The following RIMBP2 variants were observed in gnomAD, a reference collection of about 807,000 sequenced individuals.
RIMBP2 encodes the protein RIMS binding protein 2.
Under a neutral mutation model 118.6 loss-of-function variants are expected in RIMBP2, and 48 were observed. The observed-to-expected ratio is 0.40, with a 90% CI of 0.32 to 0.51. The LOEUF (loss-of-function observed/expected upper bound fraction) is 0.51. Ranked by LOEUF, RIMBP2 falls within the 20% of genes least tolerant of loss-of-function variation. The pLI, the probability that RIMBP2 is intolerant of heterozygous loss-of-function variation, is 0.41. For synonymous variants in RIMBP2, 762 were observed against 742.9 expected, an observed-to-expected ratio of 1.03 and a Z score of -0.42; for missense variants, 1,551 against 1,768.3, an observed-to-expected ratio of 0.88 and a Z score of 2.20.
At chr12:130,667,121 GGGAA>G (rs1462844204) in intron 1 of RIMBP2, among the ~76,000 whole-genome samples, 2 of 59,212 alleles carry the variant, frequency 3.4e-5, no homozygotes, top group African/African-American at 6.7e-5. Context: ...GAATGAGGGA[GGGAA>G]GGAAGGAGAG....
At chr12:130,647,658 T>C (rs1382798241) in intron 1 of RIMBP2, among the ~76,000 whole-genome samples, 1 of 145,122 alleles carries the variant, frequency 6.9e-6, no homozygotes, top group Non-Finnish European at 1.6e-5. Context: ...TGACCCTAAA[T>C]TTTTACACAA....
chr12:130,641,007 T>G (rs182877448), intron 1 of RIMBP2, among the ~76,000 whole-genome samples: 24 of 152,334 alleles, frequency 1.6e-4, no homozygotes, highest in African/African-American at 4.1e-4. Flanking sequence ...CTAACTAATG[T>G]CGGCGTCACA....
intron 1 of RIMBP2, among the ~76,000 whole-genome samples, chr12:130,643,819 C>G (rs60958116): frequency 0.024 from 3,675 of 152,240 alleles, 129 homozygotes; most frequent in African/African-American, 0.084. Flanking sequence ...AGACAACAGC[C>G]AGTTTCAGCT....
chr12:130,634,333 G>A (rs1266895147), intron 1 of RIMBP2, among the ~76,000 whole-genome samples: 2 of 152,152 alleles, frequency 1.3e-5, no homozygotes, highest in Non-Finnish European at 2.9e-5. Flanking sequence ...CAAGAAACGC[G>A]GAGTGAGGAA....
At chr12:130,566,478 G>A (rs2057229572) in intron 2 of RIMBP2, among the ~76,000 whole-genome samples, 1 of 152,222 alleles carries the variant, frequency 6.6e-6, no homozygotes. Context: ...AGACACAGTG[G>A]TCCCTCTCTC....
intron 4 of RIMBP2, among the ~76,000 whole-genome samples, chr12:130,493,132 G>T (rs369579134): frequency 1.3e-5 from 2 of 151,858 alleles, no homozygotes; most frequent in African/African-American, 4.8e-5. Flanking sequence ...TGAGATCGTA[G>T]CTCAAAAAAC....
chr12:130,625,677 A>G (rs557907409), intron 2 of RIMBP2, among the ~76,000 whole-genome samples: 89 of 152,376 alleles, frequency 5.8e-4, no homozygotes, highest in South Asian at 1.0e-3. Context: ...AATTCCAAGC[A>G]GCCAACAATC....
chr12:130,621,815 C>T lies in RIMBP2; in HGVS notation c.-217+6507G>A, dbSNP rs963966167. Among the ~76,000 whole-genome samples, 7 of 152,172 alleles carry T rather than the reference C, an allele frequency of 4.6e-5. No homozygotes were observed. The highest frequency in any genetic ancestry group is 1.4e-4 in the African/African-American group (6 of 41,436). On this transcript the variant is annotated intron_variant, in intron 2 of 22. Transcript: ENST00000690449. The surrounding 1 kb of genome is among the most constrained non-coding windows in gnomAD (Gnocchi z 6.6). ...AACACATTTGTACTCTACCCTTTTA[C>T]TGCCCTTGAAGGTAAACCTGGAGCC...
intron 2 of RIMBP2, among the ~76,000 whole-genome samples, chr12:130,554,033 G>A (rs1449704202): frequency 6.6e-6 from 1 of 152,182 alleles, no homozygotes; most frequent in African/African-American, 2.4e-5. Flanking sequence ...AGCCAACTGT[G>A]TTCCGAGTTT....
At chr12:130,646,579 G>T (rs940257361) in intron 1 of RIMBP2, among the ~76,000 whole-genome samples, 1 of 151,958 alleles carries the variant, frequency 6.6e-6, no homozygotes, top group East Asian at 1.9e-4. Flanking sequence ...CCAATCCAAG[G>T]TCGCAAGCAC....
At chr12:130,590,557 A>C (rs915211544) in intron 2 of RIMBP2, among the ~76,000 whole-genome samples, 1 of 152,156 alleles carries the variant, frequency 6.6e-6, no homozygotes, top group Non-Finnish European at 1.5e-5. Flanking sequence ...CAGCTGGTAA[A>C]AAAGTTGAGG....
Position 130,450,150 on chromosome 12 carries a change from C to G in RIMBP2, c.581+50G>C. On this transcript the variant is annotated intron_variant, in intron 9 of 22. Coordinates refer to ENST00000690449, the MANE Select transcript of RIMBP2 (RefSeq NM_001393629.1). The surrounding 1 kb of genome is among the most constrained non-coding windows in gnomAD (Gnocchi z 4.8). ...CAGAGTGTTCCCAGACCCAACATCTCATCTGCCCCACTCACAGGGGCTCGG... is the reference window on the plus strand; with the variant it reads ...CAGAGTGTTCCCAGACCCAACATCTGATCTGCCCCACTCACAGGGGCTCGG... 1 of 1,200,338 alleles carries G rather than the reference C, an allele frequency of 8.3e-7. No homozygotes were observed. The highest frequency in any genetic ancestry group is 2.5e-5 in the East Asian group (1 of 40,262). 74.4% of individuals were successfully genotyped at this position (1,200,338 alleles called of 1,614,324 possible). A position where few individuals can be genotyped will look rare whatever the true frequency, so the allele number is the denominator to read the frequency against.
chr12:130,679,866 T>A (rs533499798), intron 1 of RIMBP2, among the ~76,000 whole-genome samples: 1 of 152,026 alleles, frequency 6.6e-6, no homozygotes, highest in Non-Finnish European at 1.5e-5. Context: ...ACGCAGAGAG[T>A]GTGTTCGCCC....
chr12:130,409,532 G>C (rs1347698662), intron 19 of RIMBP2, among the ~76,000 whole-genome samples: 1 of 151,838 alleles, frequency 6.6e-6, no homozygotes, highest in Non-Finnish European at 1.5e-5. Flanking sequence ...TTTTTGTATA[G>C]ACGGGGTTTC....
chr12:130,586,636 T>C (rs1404448333), intron 2 of RIMBP2, among the ~76,000 whole-genome samples: 1 of 145,488 alleles, frequency 6.9e-6, no homozygotes, highest in Non-Finnish European at 1.5e-5. Context: ...TGTAGAAAGC[T>C]GAAACTGGAT....
intron 19 of RIMBP2, among the ~76,000 whole-genome samples, chr12:130,412,022 CT>C (rs1374526027): frequency 1.2e-4 from 18 of 151,594 alleles, no homozygotes; most frequent in African/African-American, 4.4e-4. Flanking sequence ...ACTACAGAGG[CT>C]TTTTTTAATG....
intron 2 of RIMBP2, among the ~76,000 whole-genome samples, chr12:130,615,888 C>T (rs1027520354): frequency 6.6e-6 from 1 of 152,136 alleles, no homozygotes; most frequent in African/African-American, 2.4e-5. Flanking sequence ...TTGGAAGCCC[C>T]CCTGAGCCCA....
At chr12:130,548,602 C>T (rs898940395) in intron 2 of RIMBP2, among the ~76,000 whole-genome samples, 28 of 152,004 alleles carry the variant, frequency 1.8e-4, no homozygotes, top group African/African-American at 6.5e-4. Flanking sequence ...GAGACAGAGT[C>T]TCACTCTGTC....
Position 130,576,456 on chromosome 12 carries a change from G to A in RIMBP2, c.-217+51866C>T, listed in dbSNP as rs563698814. ...GCTGGCAGGTGGCCAGCTGCATGCCGGCATCCAAGCTGTGCGGGCTAAGTA... is the reference window on the plus strand; with the variant it reads ...GCTGGCAGGTGGCCAGCTGCATGCCAGCATCCAAGCTGTGCGGGCTAAGTA... On this transcript the variant is annotated intron_variant, in intron 2 of 22. Transcript: ENST00000690449. This position sits in a 1 kb window ranked among gnomAD's most constrained non-coding sequence, Gnocchi z 4.2. 6.6e-5 allele frequency among the ~76,000 whole-genome samples: 10 copies of A among 152,230 alleles called. No individual in the cohort carries two copies. Among genetic ancestry groups the A allele is most frequent in the Non-Finnish European group, 1.5e-4 (10 of 68,010 alleles).
Sources: allele counts gnomAD v4.1 joint callset (sites outside exome capture counted in the v4.1 genomes callset), GRCh38; gene constraint gnomAD v4.1.1; non-coding constraint Gnocchi (gnomAD v3.1); transcripts MANE v1.5; gene names NCBI Gene and HGNC (gene_info 2026-07-23, HGNC 2026-07-21).